EPM2A: variants seen among roughly 807,000 people sequenced by gnomAD.
EPM2A encodes the protein EPM2A glucan phosphatase, laforin.
EPM2A carries 21 observed loss-of-function variants against 26.5 expected under a neutral mutation model. The ratio of observed to expected loss-of-function variants is 0.79; its 90% confidence interval spans 0.56 to 1.14. The LOEUF (loss-of-function observed/expected upper bound fraction) is 1.14. Among genes scored for constraint, EPM2A ranks in the 50% most tolerant of loss-of-function variants. EPM2A has a pLI of 0.00. For synonymous variants in EPM2A, 217 were observed against 177.6 expected (o/e 1.22, Z -1.76); for missense variants, 458 against 440.8 (o/e 1.04, Z -0.35).
At chr6:145,559,648 G>C (rs1384665999) in intron 2 of EPM2A, among the ~76,000 whole-genome samples, 1 of 149,454 alleles carries the variant, frequency 6.7e-6, no homozygotes, top group South Asian at 2.1e-4. Context: ...CCTATGGATG[G>C]CTCCTTTCCA....
intron 2 of EPM2A, among the ~76,000 whole-genome samples, chr6:145,674,025 C>T (rs1562473163): frequency 6.6e-6 from 1 of 152,198 alleles, no homozygotes; most frequent in East Asian, 1.9e-4. Context: ...AACAGGGAGA[C>T]ACCTACCAGT....
rs541029212 is a variant in EPM2A, at chr6:145,696,784, T to A, written c.302-10488A>T. On this transcript the variant is annotated intron_variant, in intron 1 of 3. Transcript: ENST00000367519. ...TGGCACAGGTAGGGGTATGTGTGTG[T>A]GTGTGTGTGTGTGTGTGTGTGTGTG... Among the ~76,000 whole-genome samples, 122 of 98,862 alleles carry A rather than the reference T, an allele frequency of 1.2e-3. 1 individual carries two copies. The highest frequency in any genetic ancestry group is 1.7e-3 in the Non-Finnish European group (87 of 49,862). The allele number at this position is 98,862 out of a possible 152,430, so 64.9% of individuals were successfully genotyped here.
upstream of EPM2A, chr6:145,735,698 G>T (rs1583158001): frequency 2.9e-6 from 3 of 1,040,516 alleles, no homozygotes; most frequent in Non-Finnish European, 3.5e-6. Flanking sequence ...GCGGGAAGGG[G>T]TCAGCGGAGC....
intron 4 of EPM2A, among the ~76,000 whole-genome samples, chr6:145,444,262 G>C (rs1779103667): frequency 6.6e-6 from 1 of 152,156 alleles, no homozygotes; most frequent in African/African-American, 2.4e-5. Context: ...TCATTATTTT[G>C]AGGTATGTTC....
At chr6:145,497,496 G>A (rs79667053), downstream of EPM2A, among the ~76,000 whole-genome samples, 377 of 152,326 alleles carry the variant, frequency 2.5e-3, 5 homozygotes, top group African/African-American at 8.8e-3. Flanking sequence ...TGGTTAGGAG[G>A]TCTCGCACAG....
intron 2 of EPM2A, chr6:145,671,327 G>T: frequency 9.9e-7 from 1 of 1,008,190 alleles, no homozygotes; most frequent in Non-Finnish European, 1.2e-6. Flanking sequence ...TTGAATGTAC[G>T]TCTTGAGCTA....
At chr6:145,502,629 C>T (rs1241309438) in intron 2 of EPM2A, 6 of 469,724 alleles carry the variant, frequency 1.3e-5, no homozygotes, top group South Asian at 4.7e-5. Context: ...ACAGTGCCAG[C>T]CTTGCTCAAG....
chr6:145,391,380 G>A (rs1364988628), intron 4 of EPM2A, among the ~76,000 whole-genome samples: 1 of 152,108 alleles, frequency 6.6e-6, no homozygotes. Flanking sequence ...TACAGAGGCT[G>A]TGCACTGAGT....
downstream of EPM2A, among the ~76,000 whole-genome samples, chr6:145,623,008 C>T (rs1424879813): frequency 6.6e-6 from 1 of 152,152 alleles, no homozygotes; most frequent in Non-Finnish European, 1.5e-5. Flanking sequence ...GATAATATCC[C>T]CTAGCAATTT....
intron 2 of EPM2A, among the ~76,000 whole-genome samples, chr6:145,574,166 A>T (rs565985997): frequency 6.6e-6 from 1 of 152,276 alleles, no homozygotes; most frequent in South Asian, 2.1e-4. Context: ...TTGAGGGGCC[A>T]TGATTCTCTG....
At chr6:145,635,513 T>C in intron 2 of EPM2A, 27 bp from the exon 3 acceptor site, 2 of 1,612,812 alleles carry the variant, frequency 1.2e-6, no homozygotes, top group East Asian at 2.2e-5. Flanking sequence ...GAGACAACTA[T>C]CACTAGTGTT....
At position 145,556,331 on chromosome 6, in the gene EPM2A, G is replaced by T. The variant is rs1780728139; in HGVS notation, c.341-53756C>A. On this transcript the variant is annotated intron_variant, in intron 2 of 3. Transcript: ENST00000450221. ...ATTTTAGTTTTTCTCATTTCCTTGTGCAAAGCCAGCAGGTACAAATTTATT... is the reference window on the plus strand; with the variant it reads ...ATTTTAGTTTTTCTCATTTCCTTGTTCAAAGCCAGCAGGTACAAATTTATT... 2.0e-5 allele frequency among the ~76,000 whole-genome samples: 3 copies of T among 152,190 alleles called. No homozygotes were observed. In the South Asian group the frequency reaches 6.2e-4, roughly 32 times the overall value.
At position 145,651,576 on chromosome 6, in the gene EPM2A, C is replaced by T. The variant is rs577334446; in HGVS notation, c.477-16090G>A. 5.2e-4 allele frequency among the ~76,000 whole-genome samples: 79 copies of T among 152,268 alleles called. 2 individuals are homozygous for T. In the South Asian group the frequency reaches 8.5e-3, roughly 16 times the overall value. On this transcript the variant is annotated intron_variant, in intron 2 of 3. Transcript: ENST00000367519. ...CCAGAATTATTGAGTGAGGTACTAA[C>T]GAAATGCCTTCTGTATCCAGCATTT...
At chr6:145,571,854 T>C (rs150998316) in intron 2 of EPM2A, among the ~76,000 whole-genome samples, 278 of 152,332 alleles carry the variant, frequency 1.8e-3, no homozygotes, top group African/African-American at 6.1e-3. Context: ...GAATGGGTCA[T>C]CCTATCCACT....
chr6:145,466,778 T>C (rs2114721630), intron 4 of EPM2A, among the ~76,000 whole-genome samples: 1 of 152,210 alleles, frequency 6.6e-6, no homozygotes, highest in East Asian at 1.9e-4. Flanking sequence ...ATTAAGAAAA[T>C]GTGGCATATA....
intron 2 of EPM2A, among the ~76,000 whole-genome samples, chr6:145,510,460 A>T (rs1233195239): frequency 6.6e-6 from 1 of 152,148 alleles, no homozygotes; most frequent in East Asian, 1.9e-4. Context: ...ACATAAATAC[A>T]TGGAAAATAA....
intron 1 of EPM2A, among the ~76,000 whole-genome samples, chr6:145,725,525 G>T (rs193211678): frequency 2.6e-5 from 4 of 152,128 alleles, no homozygotes; most frequent in African/African-American, 7.2e-5. Context: ...AAGCAATCAA[G>T]ATGTCTTTCA....
chr6:145,712,063 A>G (rs1416554682), intron 1 of EPM2A, among the ~76,000 whole-genome samples: 1 of 152,174 alleles, frequency 6.6e-6, no homozygotes, highest in African/African-American at 2.4e-5. Context: ...TTTATGGTGA[A>G]GTTCAGGTGG....
chr6:145,465,859 A>G (rs1779385015), intron 4 of EPM2A, among the ~76,000 whole-genome samples: 2 of 152,192 alleles, frequency 1.3e-5, no homozygotes, highest in African/African-American at 4.8e-5. Flanking sequence ...CTGATCTTTG[A>G]CAAACCTGAG....
Sources: allele counts gnomAD v4.1 joint callset (sites outside exome capture counted in the v4.1 genomes callset), GRCh38; gene constraint gnomAD v4.1.1; transcripts MANE v1.5; gene names NCBI Gene and HGNC (gene_info 2026-07-23, HGNC 2026-07-21).